CDH13: variants seen among roughly 807,000 people sequenced by gnomAD.
The protein encoded by CDH13 is cadherin 13.
In CDH13, 24 loss-of-function variants were observed where a neutral mutation model predicts 63.8. The observed-to-expected ratio is 0.38, with a 90% CI of 0.27 to 0.53. The LOEUF is 0.53. Among genes scored for constraint, CDH13 ranks in the 20% least tolerant of loss-of-function variants. CDH13 has a pLI of 0.85. For missense variants in CDH13, 1,049 were observed against 903.1 expected (o/e 1.16, Z -2.07); for synonymous variants, 503 against 355.3 (o/e 1.42, Z -4.67).
chr16:83,496,204 C>T (rs550469459), intron 7 of CDH13, among the ~76,000 whole-genome samples: 8 of 151,890 alleles, frequency 5.3e-5, no homozygotes, highest in Non-Finnish European at 1.0e-4. Flanking sequence ...ATCGCCAAGT[C>T]AATCCTAAGC....
At chr16:83,186,961 T>A (rs1055583243) in intron 4 of CDH13, among the ~76,000 whole-genome samples, 7 of 149,498 alleles carry the variant, frequency 4.7e-5, no homozygotes, top group African/African-American at 1.8e-4. Flanking sequence ...GAATAAAATT[T>A]ATTTTTTATT....
chr16:83,273,261 T>G (rs1165880774), intron 5 of CDH13, among the ~76,000 whole-genome samples: 1 of 152,162 alleles, frequency 6.6e-6, no homozygotes, highest in African/African-American at 2.4e-5. Flanking sequence ...AGGTTTGGTG[T>G]ACAGACGATT....
intron 7 of CDH13, among the ~76,000 whole-genome samples, chr16:83,573,346 G>A (rs890533840): frequency 6.6e-6 from 1 of 152,152 alleles, no homozygotes; most frequent in East Asian, 1.9e-4. Context: ...TCACCATTCA[G>A]TGGTGGGTCA....
At chr16:83,101,816 T>G (rs1458711844) in intron 3 of CDH13, among the ~76,000 whole-genome samples, 2 of 151,586 alleles carry the variant, frequency 1.3e-5, no homozygotes, top group Non-Finnish European at 2.9e-5. Context: ...GTGGGTAGAG[T>G]GGCCAGGACA....
intron 13 of CDH13, among the ~76,000 whole-genome samples, chr16:83,787,705 G>A (rs1423098603): frequency 6.6e-6 from 1 of 152,208 alleles, no homozygotes; most frequent in African/African-American, 2.4e-5. Flanking sequence ...CACTTTGGGA[G>A]GCCAAGGCAG....
intron 6 of CDH13, among the ~76,000 whole-genome samples, chr16:83,419,069 AG>A (rs2071636850): frequency 6.6e-6 from 1 of 152,100 alleles, no homozygotes; most frequent in Non-Finnish European, 1.5e-5. Flanking sequence ...TAGTGAAGTA[AG>A]GGGGAATAGG....
At chr16:83,788,999 C>A (rs462407) in intron 13 of CDH13, among the ~76,000 whole-genome samples, 2 of 152,066 alleles carry the variant, frequency 1.3e-5, no homozygotes, top group Non-Finnish European at 2.9e-5. Flanking sequence ...GTGTAAAAGG[C>A]ATAAGATTTT....
chr16:83,712,062 A>G (rs1358367988), intron 10 of CDH13, among the ~76,000 whole-genome samples: 2 of 152,014 alleles, frequency 1.3e-5, no homozygotes, highest in East Asian at 1.9e-4. Context: ...CTGTGCCCTA[A>G]TCTCTTCTCA....
At chr16:82,662,799 T>A (rs1461254597) in intron 1 of CDH13, among the ~76,000 whole-genome samples, 2 of 152,148 alleles carry the variant, frequency 1.3e-5, no homozygotes, top group Non-Finnish European at 2.9e-5. Context: ...CTGGGAGGGC[T>A]TCTCTGCCAT....
intron 5 of CDH13, among the ~76,000 whole-genome samples, chr16:83,275,573 A>T (rs2088960748): frequency 1.5e-5 from 1 of 66,170 alleles, no homozygotes. Context: ...GGAGCTCAGA[A>T]AGCGTGTATA....
chr16:83,359,973 A>G lies in CDH13; in HGVS notation c.781+14967A>G, dbSNP rs1241659923. ...TATAGTCTTAGGACACCACACATAT[A>G]CTTTGTGTTTCTATAAATTTGCCTT... On this transcript the variant is annotated intron_variant, in intron 6 of 13. Coordinates refer to ENST00000567109, the MANE Select transcript of CDH13 (RefSeq NM_001257.5). Among the ~76,000 whole-genome samples, 12 of 152,226 alleles carry G rather than the reference A, an allele frequency of 7.9e-5. No individual in the cohort carries two copies. The East Asian group carries it at 2.3e-3, about 30-fold the overall frequency.
chr16:82,635,441 G>A (rs1165656392), intron 1 of CDH13, among the ~76,000 whole-genome samples: 1 of 152,198 alleles, frequency 6.6e-6, no homozygotes, highest in Non-Finnish European at 1.5e-5. Context: ...CACAGCCAAG[G>A]CAGTGATGTG....
At chr16:83,450,451 T>A (rs759761030) in intron 6 of CDH13, among the ~76,000 whole-genome samples, 1 of 152,220 alleles carries the variant, frequency 6.6e-6, no homozygotes, top group Non-Finnish European at 1.5e-5. Flanking sequence ...CATGAGGATC[T>A]ATGTAAAGGG....
chr16:82,905,957 T>C (rs1244226645), intron 2 of CDH13, among the ~76,000 whole-genome samples: 2 of 152,212 alleles, frequency 1.3e-5, no homozygotes, highest in Non-Finnish European at 2.9e-5. Flanking sequence ...CAGAAAAATA[T>C]TTAAATAGGA....
intron 6 of CDH13, among the ~76,000 whole-genome samples, chr16:83,392,743 TCA>T (rs1372747881): frequency 6.6e-6 from 1 of 152,084 alleles, no homozygotes; most frequent in Non-Finnish European, 1.5e-5. Context: ...CGAGGCAGAA[TCA>T]CAGTGTCAGA....
chr16:83,012,962 A>C (rs551148047), intron 2 of CDH13, among the ~76,000 whole-genome samples: 1 of 152,240 alleles, frequency 6.6e-6, no homozygotes, highest in South Asian at 2.1e-4. Flanking sequence ...CATTTTCCCC[A>C]CTCTGCTGAT....
At chr16:83,280,920 T>G (rs1415702594) in intron 5 of CDH13, among the ~76,000 whole-genome samples, 3 of 152,250 alleles carry the variant, frequency 2.0e-5, no homozygotes, top group African/African-American at 7.2e-5. Context: ...GCTCAAAATA[T>G]TCAGTAAACT....
intron 6 of CDH13, among the ~76,000 whole-genome samples, chr16:83,472,416 G>A (rs1311001041): frequency 2.0e-5 from 3 of 152,228 alleles, no homozygotes; most frequent in African/African-American, 7.2e-5. Flanking sequence ...ACAAGAGGCT[G>A]GAGATATGAG....
Position 83,071,514 on chromosome 16 carries a change from G to A in CDH13, c.366+39296G>A, listed in dbSNP as rs1338403015. The stretch of plus-strand genomic sequence containing the variant: ...GCTCTCTGAGCAGGAGGAGAGCAAC[G>A]TCTGCCCTCACTGACCCATTAATAG... On this transcript the variant is annotated intron_variant, in intron 3 of 13. Coordinates refer to ENST00000567109, the MANE Select transcript of CDH13 (RefSeq NM_001257.5). Among the ~76,000 whole-genome samples, 3 of 152,272 alleles carry A rather than the reference G, an allele frequency of 2.0e-5. 1 individual carries two copies. Among genetic ancestry groups the A allele is most frequent in the East Asian group, 1.9e-4 (1 of 5,174 alleles).
Sources: gnomAD v4.1 joint callset for allele counts (sites outside exome capture counted in the v4.1 genomes callset) on GRCh38, gnomAD v4.1.1 for gene constraint, MANE v1.5 for transcripts, NCBI Gene and HGNC (gene_info 2026-07-23, HGNC 2026-07-21) for gene names.